Variants in HTRA2 observed in about 807,000 individuals in gnomAD.
HTRA2 encodes HtrA serine peptidase 2.
Under a neutral mutation model 42.2 loss-of-function variants are expected in HTRA2, and 24 were observed. The observed-to-expected ratio is 0.57, with a 90% confidence interval of 0.41 to 0.80. The LOEUF (loss-of-function observed/expected upper bound fraction) is 0.80. Among genes scored for constraint, HTRA2 ranks in the 30% least tolerant of loss-of-function variants. HTRA2 has a pLI of 0.00. For missense variants in HTRA2, 466 were observed against 613.5 expected (o/e 0.76, Z 2.54); for synonymous variants, 245 against 255.8 (o/e 0.96, Z 0.40).
intron 4 of HTRA2, 73 bp downstream of exon 4, chr2:74,531,444 C>T: frequency 6.2e-7 from 1 of 1,606,154 alleles, no homozygotes; most frequent in South Asian, 1.1e-5. Context: ...TCCCCTAATT[C>T]AAGGATGTTT....
In HTRA2 at chr2:74,530,618, C is replaced by T; in HGVS notation, c.508C>T (p.His170Tyr). ...ATCTGTGCTTTCCCTCCATTTCAGG[C>T]ACCCTTTCTTGGGCCGCGAGGTCCC... The part of the protein sequence containing the change: ...AVVYIEILDR[H>Y]PFLGREVPIS... The change falls in exon 2 of 8, where the codon CAC (histidine) becomes TAC (tyrosine). Residue 170 changes from histidine to tyrosine, a missense_variant and splice_region_variant. This residue lies in a region of HTRA2 where 115 missense variants were observed against 245.4 expected (regional missense o/e 0.47). Transcript: ENST00000258080. This position sits in a 1 kb window ranked among gnomAD's most constrained non-coding sequence, Gnocchi z 7.4. The T allele has an allele frequency of 6.2e-7, 1 of 1,614,114 alleles. No homozygotes were observed. The highest frequency in any genetic ancestry group is 8.5e-7 in the Non-Finnish European group (1 of 1,180,036).
At chr2:74,529,652 G>A (rs776716354), upstream of HTRA2, 1 of 1,548,184 alleles carries the variant, frequency 6.5e-7, no homozygotes, top group Non-Finnish European at 8.7e-7. Context: ...AGGAGCGCCC[G>A]GCCGTCGCCG....
At chr2:74,531,737 A>C (rs1299514788) in intron 5 of HTRA2, 35 bp downstream of exon 5, 1 of 1,613,050 alleles carries the variant, frequency 6.2e-7, no homozygotes, top group African/African-American at 1.3e-5. Flanking sequence ...GGTTCCTTTA[A>C]TGTGGTGGAA....
chr2:74,529,699 G>T, upstream of HTRA2: 3 of 1,537,014 alleles, frequency 2.0e-6, no homozygotes, highest in East Asian at 2.4e-5. Flanking sequence ...AGGGGCTCTT[G>T]GGAAGGCGGA....
At chr2:74,532,560 G>A (rs1675688467) in intron 6 of HTRA2, 59 bp from the exon 7 acceptor site, 1 of 1,324,800 alleles carries the variant, frequency 7.5e-7, no homozygotes, top group African/African-American at 1.5e-5. Context: ...ACTTGAGGTG[G>A]AACTCAGGAT....
chr2:74,531,159 T>TGTG, intron 3 of HTRA2, 54 bp downstream of exon 3: 9 of 1,596,550 alleles, frequency 5.6e-6, no homozygotes, highest in Non-Finnish European at 7.7e-6. Context: ...GGAGAGGCTG[T>TGTG]GTGGTACAAG....
chr2:74,529,423 G>C, upstream of HTRA2: 1 of 1,586,864 alleles, frequency 6.3e-7, no homozygotes, highest in South Asian at 1.1e-5. Flanking sequence ...CCGAGAAAGA[G>C]GCGCAGGACG....
intron 6 of HTRA2, 115 bp downstream of exon 6, chr2:74,532,040 G>A: frequency 2.0e-6 from 2 of 1,007,434 alleles, no homozygotes; most frequent in South Asian, 1.4e-5. Flanking sequence ...TGTCACACTT[G>A]AAATAATCAC....
chr2:74,532,435 A>G (rs1675678440), intron 6 of HTRA2, 184 bp from the exon 7 acceptor site: 2 of 651,674 alleles, frequency 3.1e-6, no homozygotes, highest in Non-Finnish European at 5.6e-6. Context: ...TGTGGTGTAC[A>G]TCTTTTATGT....
upstream of HTRA2, chr2:74,529,429 G>A (rs1675397962): frequency 6.3e-7 from 1 of 1,582,436 alleles, no homozygotes; most frequent in Non-Finnish European, 8.6e-7. Context: ...AAGAGGCGCA[G>A]GACGAGGAGG....
chr2:74,531,449 A>G, intron 4 of HTRA2, 78 bp downstream of exon 4: 1 of 1,606,192 alleles, frequency 6.2e-7, no homozygotes, highest in South Asian at 1.1e-5. Context: ...TAATTCAAGG[A>G]TGTTTGGTCA....
At position 74,530,436 on chromosome 2, in the gene HTRA2, C is replaced by G; in HGVS notation, c.430C>G (p.Arg144Gly). The G allele has an allele frequency of 3.7e-6, 6 of 1,605,018 alleles. No homozygotes were observed. Among genetic ancestry groups the G allele is most frequent in the Non-Finnish European group, 5.1e-6 (6 of 1,179,498 alleles). Residue 144 changes from arginine (R) to glycine (G), a missense_variant, in exon 1 of 8, where the codon CGG becomes GGG. Arg to Gly is a moderately radical substitution (Grantham distance 125). This residue lies in a region of HTRA2 where 222 missense variants were observed against 205.1 expected (regional missense o/e 1.08). Coordinates refer to ENST00000258080, the MANE Select transcript of HTRA2 (RefSeq NM_013247.5). The surrounding 1 kb of genome is among the most constrained non-coding windows in gnomAD (Gnocchi z 7.4). ...AVPSPPPASP[R>G]SQYNFIADVV... ...CCCTAGCCCGCCGCCCGCTTCTCCCCGGAGTCAGTACAACTTCATCGCAGA... is the reference window on the plus strand; with the variant it reads ...CCCTAGCCCGCCGCCCGCTTCTCCCGGGAGTCAGTACAACTTCATCGCAGA...
Position 74,532,598 on chromosome 2 carries a change from GGGTGATCTGTGTACTTT to G in HTRA2, c.1116-20_1116-4del. On this transcript the variant is annotated splice_region_variant and splice_polypyrimidine_tract_variant and intron_variant, in intron 6 of 7. Coordinates refer to ENST00000258080, the MANE Select transcript of HTRA2 (RefSeq NM_013247.5). ...GGAGAATGCCTGGGTTTGGCTAATAGGGTGATCTGTGTACTTTCAGCATCCTTGCTGAACTACAGCTT... is the reference window on the plus strand; with the variant it reads ...GGAGAATGCCTGGGTTTGGCTAATAGCAGCATCCTTGCTGAACTACAGCTT... 6.2e-7 allele frequency: 1 copy of G among 1,607,090 alleles called. No individual in the cohort carries two copies. Among genetic ancestry groups the G allele is most frequent in the Non-Finnish European group, 8.5e-7 (1 of 1,174,758 alleles).
Position 74,530,588 on chromosome 2 carries a change from C to G in HTRA2, c.507-29C>G, listed in dbSNP as rs750783302. ...GGCGGGTAGGAGGGGTCAGAGCCTC[C>G]TCTTATCTGTGCTTTCCCTCCATTT... On this transcript the variant is annotated intron_variant, in intron 1 of 7. Coordinates refer to ENST00000258080, the MANE Select transcript of HTRA2 (RefSeq NM_013247.5). This position sits in a 1 kb window ranked among gnomAD's most constrained non-coding sequence, Gnocchi z 7.4. 5 of 1,613,900 alleles carry G rather than the reference C, an allele frequency of 3.1e-6. No homozygotes were observed. The highest frequency in any genetic ancestry group is 4.2e-6 in the Non-Finnish European group (5 of 1,180,038).
chr2:74,531,261 G>C (rs1220457896), intron 3 of HTRA2, 78 bp from the exon 4 acceptor site: 2 of 1,578,430 alleles, frequency 1.3e-6, no homozygotes, highest in Non-Finnish European at 1.7e-6. Flanking sequence ...AGAGAATTTG[G>C]AGAAAGTACC....
rs182784152 is a variant in HTRA2, at chr2:74,532,168, G to A, written c.1115+243G>A. ...TTTCAAGCCTTCAATCCATTAACTT[G>A]GCATTTAAGGGCCATTTTCCATCTG... On this transcript the variant is annotated intron_variant, in intron 6 of 7. Transcript: ENST00000258080. Among the ~76,000 whole-genome samples the A allele has an allele frequency of 4.3e-3, 651 of 152,218 alleles. 5 individuals are homozygous for A. The highest frequency in any genetic ancestry group is 0.02 in the Middle Eastern group (6 of 294).
At chr2:74,532,117 T>C (rs533233162) in intron 6 of HTRA2, among the ~76,000 whole-genome samples, 192 bp downstream of exon 6, 1 of 152,356 alleles carries the variant, frequency 6.6e-6, no homozygotes, top group South Asian at 2.1e-4. Context: ...TGTCACCAGA[T>C]TGATTTCATC....
chr2:74,531,970 C>A, intron 6 of HTRA2, 45 bp downstream of exon 6: 2 of 1,539,456 alleles, frequency 1.3e-6, no homozygotes, highest in Non-Finnish European at 9.0e-7. Context: ...CCAGTGTAAT[C>A]AGAGGGGGGC....
At chr2:74,529,405 C>G (rs377186972), upstream of HTRA2, 1 of 1,600,074 alleles carries the variant, frequency 6.2e-7, no homozygotes, top group Non-Finnish European at 8.5e-7. Context: ...ACCAGGAAGA[C>G]GTGGATCCCG....
Sources: allele counts gnomAD v4.1 joint callset (sites outside exome capture counted in the v4.1 genomes callset), GRCh38; gene constraint gnomAD v4.1.1; regional missense constraint gnomAD v4.1.1; non-coding constraint Gnocchi (gnomAD v3.1); transcripts MANE v1.5; gene names NCBI Gene and HGNC (gene_info 2026-07-23, HGNC 2026-07-21).